The following LDLRAD4 variants were observed in gnomAD, a reference collection of about 807,000 sequenced individuals.
LDLRAD4 encodes the protein low-density lipoprotein receptor class A domain-containing protein 4.
A neutral mutation model predicts 17.0 loss-of-function variants in LDLRAD4; 5 were observed. The ratio of observed to expected loss-of-function variants is 0.29; its 90% CI spans 0.15 to 0.62. The LOEUF (loss-of-function observed/expected upper bound fraction) is 0.62, where lower values mean the gene tolerates loss of function less well. LDLRAD4 is among the 20% of genes least tolerant of loss of function. LDLRAD4 has a pLI of 0.84. For missense variants in LDLRAD4, 340 were observed against 424.7 expected (o/e 0.80, Z 1.75); for synonymous variants, 168 against 171.8 (o/e 0.98, Z 0.17).
intron 3 of LDLRAD4, among the ~76,000 whole-genome samples, chr18:13,590,265 T>C (rs1239990695): frequency 6.7e-6 from 1 of 148,558 alleles, no homozygotes; most frequent in African/African-American, 2.5e-5. Context: ...GGTGTGTATA[T>C]ATGTGTGTGC....
intron 3 of LDLRAD4, among the ~76,000 whole-genome samples, chr18:13,594,763 GTTCTC>G (rs1014600557): frequency 6.6e-6 from 1 of 151,408 alleles, no homozygotes; most frequent in Non-Finnish European, 1.5e-5. Context: ...GTGGGGAAGT[GTTCTC>G]TTCTCCAAAA....
intron 2 of LDLRAD4, among the ~76,000 whole-genome samples, chr18:13,397,392 C>T (rs558488133): frequency 6.6e-6 from 1 of 152,306 alleles, no homozygotes; most frequent in Admixed American, 6.5e-5. Context: ...ATCCACCCAC[C>T]TCGGCCTCCC....
chr18:13,314,418 T>A (rs1369491049), intron 1 of LDLRAD4, among the ~76,000 whole-genome samples: 1 of 152,252 alleles, frequency 6.6e-6, no homozygotes, highest in African/African-American at 2.4e-5. Context: ...AACATTTTTC[T>A]GTGATGTGGC....
In LDLRAD4 at chr18:13,246,051, G is replaced by A. The variant is rs568161324; in HGVS notation, c.-467+27063G>A. ...AGATGCTCAAGAGCAAATTAAAAAT[G>A]CATTGTTAAAAATGGATTCAATGTG... On this transcript the variant is annotated intron_variant, in intron 1 of 5. Coordinates refer to the LDLRAD4 transcript ENST00000399848. 2.0e-4 allele frequency among the ~76,000 whole-genome samples: 30 copies of A among 152,388 alleles called. No homozygotes were observed. The South Asian group carries it at 6.0e-3, about 30-fold the overall frequency.
chr18:13,296,655 G>C (rs2046295899), intron 1 of LDLRAD4, among the ~76,000 whole-genome samples: 1 of 151,800 alleles, frequency 6.6e-6, no homozygotes, highest in African/African-American at 2.4e-5. Context: ...GGGATTACAG[G>C]CGTGAGCCAC....
At chr18:13,547,513 T>G (rs1260784147) in intron 3 of LDLRAD4, among the ~76,000 whole-genome samples, 1 of 152,208 alleles carries the variant, frequency 6.6e-6, no homozygotes, top group African/African-American at 2.4e-5. Context: ...CAGGCTGCAC[T>G]TGGCTTTCAG....
intron 3 of LDLRAD4, among the ~76,000 whole-genome samples, chr18:13,609,764 G>A (rs2039316251): frequency 6.6e-6 from 1 of 152,118 alleles, no homozygotes; most frequent in Admixed American, 6.5e-5. Flanking sequence ...CTTGAAGTCA[G>A]GAGTTCCAGG....
intron 1 of LDLRAD4, among the ~76,000 whole-genome samples, chr18:13,362,871 A>C (rs1402086841): frequency 1.3e-5 from 2 of 151,920 alleles, no homozygotes; most frequent in East Asian, 3.8e-4. Context: ...TATAGAGAAG[A>C]GCTAAATTAG....
rs186339607 is a variant in LDLRAD4, at chr18:13,516,934, C to T, written c.181+78550C>T. Among the ~76,000 whole-genome samples, 179 of 152,308 alleles carry T rather than the reference C, an allele frequency of 1.2e-3. 1 individual carries two copies. The highest frequency in any genetic ancestry group is 4.1e-3 in the African/African-American group (172 of 41,564). The stretch of plus-strand genomic sequence containing the variant: ...GCACAATCCTAGATCACTGCAGCCT[C>T]GAACTCCTAACCTCAAGTGATCTTT... On this transcript the variant is annotated intron_variant, in intron 3 of 5. Transcript: ENST00000359446.
At chr18:13,482,951 C>G (rs1390335622) in intron 3 of LDLRAD4, among the ~76,000 whole-genome samples, 2 of 152,126 alleles carry the variant, frequency 1.3e-5, no homozygotes, top group East Asian at 3.8e-4. Context: ...AAGACAAATG[C>G]ATTCCTTCCA....
At chr18:13,386,938 A>G (rs796879470) in intron 1 of LDLRAD4, among the ~76,000 whole-genome samples, 5 of 128,316 alleles carry the variant, frequency 3.9e-5, no homozygotes, top group African/African-American at 1.6e-4. Flanking sequence ...ATAGATAGAT[A>G]GATAGATAGA....
At chr18:13,324,287 G>GCA (rs2081401169) in intron 1 of LDLRAD4, among the ~76,000 whole-genome samples, 1 of 150,052 alleles carries the variant, frequency 6.7e-6, no homozygotes, top group Non-Finnish European at 1.5e-5. Context: ...ACAGGTGCCT[G>GCA]CCACCACACC....
rs144379542 is a variant in LDLRAD4 at position 13,317,989 on chromosome 18, T to A, written c.-383+39801T>A. Among the ~76,000 whole-genome samples, 254 of 152,328 alleles carry A rather than the reference T, an allele frequency of 1.7e-3. 2 individuals are homozygous for A. The highest frequency in any genetic ancestry group is 5.9e-3 in the African/African-American group (245 of 41,578). ...TACACAGTTGAATTTCACATTATGT[T>A]AAATATTTGTCTCTCTGTGTCATCT... On this transcript the variant is annotated intron_variant, in intron 1 of 5. Transcript: ENST00000359446.
intron 1 of LDLRAD4, among the ~76,000 whole-genome samples, chr18:13,303,684 A>G (rs191900213): frequency 8.9e-4 from 136 of 152,260 alleles, no homozygotes; most frequent in Middle Eastern, 3.4e-3. Context: ...CATGAGCTAA[A>G]TCTTTTAAAT....
At position 13,611,959 on chromosome 18, in the gene LDLRAD4, C is replaced by T. The variant is rs2039606013; in HGVS notation, c.182-9158C>T. The stretch of plus-strand genomic sequence containing the variant: ...GCAGCCTGGCTCGCAGCCTGAGGGA[C>T]GCTGTGGGTGCTCCCAGCCGGGCGA... On this transcript the variant is annotated intron_variant, in intron 3 of 5. Transcript: ENST00000359446. The T allele has an allele frequency of 7.1e-6, 7 of 985,402 alleles. No individual in the cohort carries two copies. In the South Asian group the frequency reaches 3.3e-4, roughly 46 times the overall value. The allele number at this position is 985,402 out of a possible 1,614,324, so 61.0% of individuals were successfully genotyped here. A position where few individuals can be genotyped will look rare whatever the true frequency, so the allele number is the denominator to read the frequency against.
intron 1 of LDLRAD4, among the ~76,000 whole-genome samples, chr18:13,266,817 G>A (rs1184463380): frequency 6.6e-6 from 1 of 152,264 alleles, no homozygotes; most frequent in African/African-American, 2.4e-5. Context: ...TTCAGTCACA[G>A]CCTCAGAGGT....
chr18:13,264,074 G>C (rs1401420745), intron 1 of LDLRAD4, among the ~76,000 whole-genome samples: 3 of 152,240 alleles, frequency 2.0e-5, no homozygotes, highest in Non-Finnish European at 1.5e-5. Flanking sequence ...GAGCAGGGCA[G>C]GACACGACCC....
chr18:13,645,406 T>C lies in LDLRAD4; in HGVS notation c.670T>C (p.Tyr224His), dbSNP rs763386732. 3 of 1,614,134 alleles carry C rather than the reference T, an allele frequency of 1.9e-6. No individual in the cohort carries two copies. In the South Asian group the frequency reaches 3.3e-5, roughly 18 times the overall value. ...CAGTGATTTAATAGACATTGCTATG[T>C]ATAGCGGGGGTCCATGCCCACCCAG... Residue 224 changes from tyrosine to histidine, a missense_variant, in exon 6 of 6, where the codon TAT (tyrosine) becomes CAT (histidine). Tyr to His is a moderately conservative substitution (Grantham distance 83, BLOSUM62 2). Coordinates refer to ENST00000359446, the Ensembl canonical transcript of LDLRAD4. This position sits in a 1 kb window ranked among gnomAD's most constrained non-coding sequence, Gnocchi z 5.7.
chr18:13,549,697 C>A (rs1224913615), intron 3 of LDLRAD4, among the ~76,000 whole-genome samples: 1 of 151,788 alleles, frequency 6.6e-6, no homozygotes, highest in East Asian at 1.9e-4. Context: ...AAAATTAGCC[C>A]TGGCTGGACC....
Sources: gnomAD v4.1 joint callset for allele counts (sites outside exome capture counted in the v4.1 genomes callset) on GRCh38, gnomAD v4.1.1 for gene constraint, Gnocchi (gnomAD v3.1) non-coding constraint, MANE v1.5 for transcripts, NCBI Gene and HGNC (gene_info 2026-07-23, HGNC 2026-07-21) for gene names.